Variants in THOC7 observed in about 807,000 individuals in gnomAD.
THOC7 encodes THO complex subunit 7, also known as NIF3L1-binding protein 1.
THOC7 carries 22 observed loss-of-function variants against 33.1 expected under a neutral mutation model. The ratio of observed to expected loss-of-function variants is 0.66; its 90% CI spans 0.47 to 0.95. THOC7 has a LOEUF of 0.95. Among genes scored for constraint, THOC7 ranks in the 40% least tolerant of loss-of-function variants. The probability of loss-of-function intolerance (pLI) is 0.00; values close to 1 mark genes in which losing one functional copy is unlikely to be tolerated. For missense variants in THOC7, 184 were observed against 245.3 expected (o/e 0.75, Z 1.67); for synonymous variants, 77 against 76.8 (o/e 1.00, Z -0.01).
At chr3:63,842,781 C>A (rs1047413270) in intron 1 of THOC7, among the ~76,000 whole-genome samples, 1 of 151,992 alleles carries the variant, frequency 6.6e-6, no homozygotes. Context: ...TAGTACACTA[C>A]CCGGGTGACA....
chr3:63,838,470 G>A lies in THOC7; in HGVS notation c.167C>T (p.Thr56Met), dbSNP rs745955974. 2.2e-5 allele frequency: 35 copies of A among 1,609,426 alleles called. No homozygotes were observed. Among genetic ancestry groups the A allele is most frequent in the Non-Finnish European group, 2.6e-5 (31 of 1,178,694 alleles). Reference protein sequence around the residue: ...GYSQYQRMLSTLSQCEFSMGK... With the variant: ...GYSQYQRMLSMLSQCEFSMGK... Reference sequence around the variant, plus strand: ...CATTGAAAATTCACATTGAGACAGCGTGCTCAGCATACGTTGGTACTGGCT... The same window carrying A: ...CATTGAAAATTCACATTGAGACAGCATGCTCAGCATACGTTGGTACTGGCT... The change falls in exon 3 of 8, where the codon ACG becomes ATG. Residue 56 changes from threonine (T) to methionine (M), a missense_variant. Transcript: ENST00000295899.
chr3:63,859,394 GC>G (rs1235546818), intron 1 of THOC7, among the ~76,000 whole-genome samples: 2 of 152,108 alleles, frequency 1.3e-5, no homozygotes, highest in African/African-American at 4.8e-5. Context: ...ACTCCTCTTG[GC>G]CCACCTGGAT....
At chr3:63,846,662 C>T (rs1479015077) in intron 1 of THOC7, among the ~76,000 whole-genome samples, 4 of 152,114 alleles carry the variant, frequency 2.6e-5, no homozygotes, top group Non-Finnish European at 4.4e-5. Flanking sequence ...CCACCCACCT[C>T]GGCCTCCTAA....
At chr3:63,853,233 A>T (rs1702051732) in intron 1 of THOC7, among the ~76,000 whole-genome samples, 1 of 152,096 alleles carries the variant, frequency 6.6e-6, no homozygotes, top group Admixed American at 6.5e-5. Context: ...GTTAGGAAAA[A>T]ACAGGGGCCA....
At chr3:63,846,380 CAGGGTCTTACTAGTAACTTATTAT>C (rs1207871424) in intron 1 of THOC7, among the ~76,000 whole-genome samples, 9 of 152,210 alleles carry the variant, frequency 5.9e-5, no homozygotes, top group African/African-American at 2.2e-4. Context: ...CTGAAGAATT[CAGGGTCTTACTAGTAACTTATTAT>C]TTAAAAATTT....
intron 1 of THOC7, chr3:63,863,515 G>A: frequency 8.4e-7 from 1 of 1,188,134 alleles, no homozygotes; most frequent in Non-Finnish European, 1.0e-6. Context: ...CTATAGCCCC[G>A]CGCTGCCTCC....
chr3:63,863,897 A>C (rs1448801397), upstream of THOC7: 1 of 1,110,892 alleles, frequency 9.0e-7, no homozygotes, highest in Non-Finnish European at 1.1e-6. Context: ...GCCATGGAGG[A>C]GGAGGCGGCG....
intron 1 of THOC7, 105 bp downstream of exon 1, chr3:63,863,667 C>G (rs1271239372): frequency 5.7e-6 from 7 of 1,228,596 alleles, no homozygotes; most frequent in Non-Finnish European, 7.1e-6. Context: ...GCGAAGAGGC[C>G]GGGGAGGCCG....
At chr3:63,863,814 CGGCGGCGGCGCAAGCTGA>C (rs1249603874), upstream of THOC7, 5 of 1,234,142 alleles carry the variant, frequency 4.1e-6, no homozygotes, top group African/African-American at 7.9e-5. Flanking sequence ...GCGGCGGCGG[CGGCGGCGGCGCAAGCTGA>C]GGCGGCGGTT....
In THOC7 at chr3:63,833,906, G is replaced by A; in HGVS notation, c.*226C>T. 1 of 446,560 alleles carries A rather than the reference G, an allele frequency of 2.2e-6. No homozygotes were observed. The highest frequency in any genetic ancestry group is 3.9e-6 in the Non-Finnish European group (1 of 253,700). The allele number at this position is 446,560 out of a possible 1,614,324, so 27.7% of individuals were successfully genotyped here. ...AGCATTTTATTAAGCATTTTTGGAT[G>A]TTGCTTCCTACCACTTAAGAATAAA... On this transcript the variant is annotated 3_prime_UTR_variant, in exon 8 of 8. Coordinates refer to ENST00000295899, the MANE Select transcript of THOC7 (RefSeq NM_025075.4).
intron 1 of THOC7, among the ~76,000 whole-genome samples, chr3:63,853,573 T>C (rs1273831449): frequency 1.3e-5 from 2 of 152,194 alleles, no homozygotes; most frequent in Non-Finnish European, 2.9e-5. Context: ...TGTCTGTCTA[T>C]AGTACGAAAA....
chr3:63,853,507 A>G (rs554914220), intron 1 of THOC7, among the ~76,000 whole-genome samples: 1 of 152,376 alleles, frequency 6.6e-6, no homozygotes, highest in African/African-American at 2.4e-5. Context: ...AAAACTATCT[A>G]CTTTATAGAA....
intron 1 of THOC7, among the ~76,000 whole-genome samples, chr3:63,862,280 ATC>A (rs760844281): frequency 6.6e-6 from 1 of 152,210 alleles, no homozygotes; most frequent in Non-Finnish European, 1.5e-5. Flanking sequence ...CCAGTCCAAT[ATC>A]TATTTATTCT....
intron 7 of THOC7, 64 bp downstream of exon 7, chr3:63,835,090 G>T: frequency 1.3e-6 from 2 of 1,491,740 alleles, no homozygotes; most frequent in East Asian, 2.3e-5. Context: ...TATTTCAAAA[G>T]GTACATCCCT....
Position 63,853,589 on chromosome 3 carries a change from AAT to A in THOC7, c.19+10181_19+10182del, listed in dbSNP as rs574919786. Among the ~76,000 whole-genome samples the A allele has an allele frequency of 1.7e-4, 26 of 152,300 alleles. No homozygotes were observed. The East Asian group carries it at 4.8e-3, about 28-fold the overall frequency. On this transcript the variant is annotated intron_variant, in intron 1 of 7. Coordinates refer to ENST00000295899, the MANE Select transcript of THOC7 (RefSeq NM_025075.4). ...GTCTGTCTATAGTACGAAAACAAAA[AAT>A]ATGTTATCCTTATGTTTATGTTAAA...
chr3:63,864,351 G>A (rs1702336086), upstream of THOC7: 1 of 152,166 alleles, frequency 6.6e-6, no homozygotes, highest in African/African-American at 2.4e-5. Context: ...ATCCGGCTGA[G>A]CCCAGGAGAG....
At chr3:63,834,729 C>A (rs1295098748) in intron 7 of THOC7, among the ~76,000 whole-genome samples, 2 of 151,406 alleles carry the variant, frequency 1.3e-5, no homozygotes, top group Non-Finnish European at 2.9e-5. Flanking sequence ...TCAGGTAACA[C>A]AAAAATTTCC....
chr3:63,863,285 C>G (rs916502725), intron 1 of THOC7: 6 of 258,492 alleles, frequency 2.3e-5, no homozygotes, highest in African/African-American at 1.4e-4. Context: ...AAATTCCCGC[C>G]CCGTCCCTGG....
Position 63,834,031 on chromosome 3 carries a change from C to G in THOC7, c.*101G>C. The G allele has an allele frequency of 8.7e-7, 1 of 1,152,400 alleles. No homozygotes were observed. The highest frequency in any genetic ancestry group is 1.2e-6 in the Non-Finnish European group (1 of 805,766). The allele number at this position is 1,152,400 out of a possible 1,614,324, so 71.4% of individuals were successfully genotyped here. ...TCATACTTAAAAACAGAGTATTTTA[C>G]TGCCAAAACTTTAAATATCTCAAGA... On this transcript the variant is annotated 3_prime_UTR_variant, in exon 8 of 8. Coordinates refer to ENST00000295899, the MANE Select transcript of THOC7 (RefSeq NM_025075.4).
Sources: gnomAD v4.1 joint callset for allele counts (sites outside exome capture counted in the v4.1 genomes callset) on GRCh38, gnomAD v4.1.1 for gene constraint, MANE v1.5 for transcripts, NCBI Gene and HGNC (gene_info 2026-07-23, HGNC 2026-07-21) for gene names.